Variants in SCN8A observed in about 807,000 individuals in gnomAD.
SCN8A encodes the protein sodium voltage-gated channel alpha subunit 8.
Under a neutral mutation model 184.1 loss-of-function variants are expected in SCN8A, and 30 were observed. That is an observed-to-expected ratio of 0.16 (90% CI 0.12 to 0.22). The LOEUF (loss-of-function observed/expected upper bound fraction) is 0.22, where lower values mean the gene tolerates loss of function less well. SCN8A is among the 10% of genes least tolerant of loss of function. The pLI, the probability that SCN8A is intolerant of heterozygous loss-of-function variation, is 1.00. For synonymous variants in SCN8A, 852 were observed against 907.0 expected (o/e 0.94, Z 1.09); for missense variants, 1,057 against 2,498.9 (o/e 0.42, Z 12.30).
chr12:51,720,554 T>G lies in SCN8A; in HGVS notation c.1636-992T>G, dbSNP rs552381536. On this transcript the variant is annotated intron_variant, in intron 11 of 26. Transcript: ENST00000627620. ...CACCAACATGGCACATGTATACATA[T>G]GTAACAAACCTGCACATTATGCACA... Among the ~76,000 whole-genome samples, 264 of 151,730 alleles carry G rather than the reference T, an allele frequency of 1.7e-3. 2 individuals carry two copies. Among genetic ancestry groups the G allele is most frequent in the African/African-American group, 6.1e-3 (254 of 41,308 alleles).
chr12:51,680,194 A>G (rs1941306068), intron 2 of SCN8A, among the ~76,000 whole-genome samples: 2 of 152,190 alleles, frequency 1.3e-5, no homozygotes, highest in South Asian at 2.1e-4. Context: ...AACTGTTTTT[A>G]TACTTGATGA....
At chr12:51,769,421 C>A in intron 17 of SCN8A, 86 bp downstream of exon 17, 1 of 914,112 alleles carries the variant, frequency 1.1e-6, no homozygotes, top group Non-Finnish European at 1.7e-6. Flanking sequence ...CAGCTATGGG[C>A]TTGGTAGAGA....
intron 1 of SCN8A, among the ~76,000 whole-genome samples, chr12:51,651,284 A>G (rs544693938): frequency 1.9e-3 from 282 of 152,174 alleles, no homozygotes; most frequent in Non-Finnish European, 3.1e-3. Context: ...GCCTGCTGCA[A>G]CCTCCACCTG....
intron 14 of SCN8A, among the ~76,000 whole-genome samples, chr12:51,753,043 G>C (rs913619094): frequency 6.6e-6 from 1 of 152,052 alleles, no homozygotes; most frequent in Admixed American, 6.5e-5. Flanking sequence ...GACCAGGCTA[G>C]CAAATAATGT....
intron 1 of SCN8A, among the ~76,000 whole-genome samples, chr12:51,613,993 T>C (rs1359131436): frequency 2.0e-5 from 3 of 152,176 alleles, no homozygotes; most frequent in Admixed American, 1.3e-4. Context: ...CGACTGTACA[T>C]GTGTACTTGA....
intron 13 of SCN8A, among the ~76,000 whole-genome samples, chr12:51,746,318 T>C (rs1015773235): frequency 1.3e-5 from 2 of 151,486 alleles, no homozygotes; most frequent in African/African-American, 4.9e-5. Context: ...AAGACCCCTG[T>C]CATTGTCATC....
Position 51,652,182 on chromosome 12 carries a change from C to T in SCN8A, c.-54-10582C>T, listed in dbSNP as rs989806750. Reference sequence around the variant, plus strand: ...CTGCATCACATCTTATTCCTTGTCTCGGTGAATTTCACTACCTTTCATCCC... The same window carrying T: ...CTGCATCACATCTTATTCCTTGTCTTGGTGAATTTCACTACCTTTCATCCC... On this transcript the variant is annotated intron_variant, in intron 1 of 26. Transcript: ENST00000627620. Among the ~76,000 whole-genome samples the T allele has an allele frequency of 5.3e-5, 8 of 152,074 alleles. No homozygotes were observed. In the East Asian group the frequency reaches 5.8e-4, roughly 11 times the overall value.
At chr12:51,775,558 C>T (rs914962240) in intron 20 of SCN8A, among the ~76,000 whole-genome samples, 2 of 152,170 alleles carry the variant, frequency 1.3e-5, no homozygotes, top group African/African-American at 2.4e-5. Context: ...ACCCTCGCAG[C>T]GAGAGATGTT....
At chr12:51,641,424 C>A (rs1478165253) in intron 1 of SCN8A, among the ~76,000 whole-genome samples, 3 of 152,088 alleles carry the variant, frequency 2.0e-5, no homozygotes, top group African/African-American at 7.2e-5. Context: ...TGAGAAATAC[C>A]ATACTGTACA....
intron 1 of SCN8A, among the ~76,000 whole-genome samples, chr12:51,605,350 G>C (rs1472823803): frequency 6.6e-6 from 1 of 152,128 alleles, no homozygotes; most frequent in East Asian, 1.9e-4. Flanking sequence ...CATGATGTTT[G>C]GTTTTCCATT....
At chr12:51,750,310 C>G (rs181964410) in intron 13 of SCN8A, among the ~76,000 whole-genome samples, 1 of 151,768 alleles carries the variant, frequency 6.6e-6, no homozygotes, top group Non-Finnish European at 1.5e-5. Context: ...CTTTCTGTTT[C>G]TAAAAGAGAC....
intron 17 of SCN8A, among the ~76,000 whole-genome samples, chr12:51,769,654 G>C (rs1448592782): frequency 1.3e-5 from 2 of 152,112 alleles, no homozygotes; most frequent in Non-Finnish European, 2.9e-5. Context: ...CTTTGGGTGG[G>C]TCATTGCCGT....
At chr12:51,603,354 C>G (rs987501241) in intron 1 of SCN8A, among the ~76,000 whole-genome samples, 6 of 152,082 alleles carry the variant, frequency 3.9e-5, no homozygotes, top group African/African-American at 1.4e-4. Flanking sequence ...TTCAATTGTT[C>G]TTTTTTATTG....
At position 51,653,933 on chromosome 12, in the gene SCN8A, A is replaced by G. The variant is rs373081173; in HGVS notation, c.-54-8831A>G. ...TGGTATCTAATTGTGATTTTGATTC[A>G]TATTACCTAATGATTAATGATGCTG... is the stretch of plus-strand genomic sequence containing the variant. On this transcript the variant is annotated intron_variant, in intron 1 of 26. Coordinates refer to ENST00000627620, the MANE Select transcript of SCN8A (RefSeq NM_001330260.2). Among the ~76,000 whole-genome samples the G allele has an allele frequency of 9.8e-5, 15 of 152,316 alleles. No individual in the cohort carries two copies. In the South Asian group the frequency reaches 1.7e-3, roughly 17 times the overall value.
intron 14 of SCN8A, among the ~76,000 whole-genome samples, chr12:51,758,762 G>A (rs1942717707): frequency 6.6e-6 from 1 of 152,124 alleles, no homozygotes; most frequent in Admixed American, 6.6e-5. Context: ...ATAGAAGGTA[G>A]TTAGATTCTC....
At chr12:51,739,013 G>T (rs919202526) in intron 12 of SCN8A, among the ~76,000 whole-genome samples, 1 of 152,140 alleles carries the variant, frequency 6.6e-6, no homozygotes, top group Non-Finnish European at 1.5e-5. Flanking sequence ...CCAAAATCAG[G>T]TTCCCATCTT....
At chr12:51,667,399 AC>A (rs1404020515) in intron 2 of SCN8A, among the ~76,000 whole-genome samples, 1 of 151,772 alleles carries the variant, frequency 6.6e-6, no homozygotes, top group African/African-American at 2.4e-5. Flanking sequence ...ACAGAGTCTA[AC>A]TCCAAGTTGG....
intron 15 of SCN8A, 58 bp from the exon 16 acceptor site, chr12:51,765,613 G>A: frequency 1.0e-6 from 1 of 1,002,472 alleles, no homozygotes; most frequent in Non-Finnish European, 1.4e-6. Flanking sequence ...TTAGCCATGT[G>A]GTGAGAAAAT....
At chr12:51,734,702 G>T (rs1942296407) in intron 12 of SCN8A, among the ~76,000 whole-genome samples, 1 of 152,236 alleles carries the variant, frequency 6.6e-6, no homozygotes, top group African/African-American at 2.4e-5. Context: ...TGGGGGGCTT[G>T]CTCCCAACGT....
Sources: gnomAD v4.1 joint callset for allele counts (sites outside exome capture counted in the v4.1 genomes callset) on GRCh38, gnomAD v4.1.1 for gene constraint, MANE v1.5 for transcripts, NCBI Gene and HGNC (gene_info 2026-07-23, HGNC 2026-07-21) for gene names.